Variants in INCENP observed in about 807,000 individuals in gnomAD.
The protein encoded by INCENP is inner centromere protein, also known as binds and activates aurora-B and -C in vivo and in vitro.
In INCENP, 43 loss-of-function variants were observed where a neutral mutation model predicts 107.3. The observed-to-expected ratio is 0.40, with a 90% CI of 0.31 to 0.52. The LOEUF (loss-of-function observed/expected upper bound fraction) is 0.52, where lower values mean the gene tolerates loss of function less well. Among genes scored for constraint, INCENP ranks in the 20% least tolerant of loss-of-function variants. The pLI, the probability that INCENP is intolerant of heterozygous loss-of-function variation, is 0.53. For synonymous variants in INCENP, 488 were observed against 494.4 expected, an observed-to-expected ratio of 0.99 and a Z score of 0.17; for missense variants, 1,089 against 1,250.9, an observed-to-expected ratio of 0.87 and a Z score of 1.95.
At chr11:62,136,911 T>C (rs182326602) in intron 4 of INCENP, among the ~76,000 whole-genome samples, 2 of 152,324 alleles carry the variant, frequency 1.3e-5, no homozygotes, top group East Asian at 3.9e-4. Context: ...TTTAGTATCA[T>C]GATTAGTTAC....
intron 4 of INCENP, among the ~76,000 whole-genome samples, chr11:62,131,904 C>G (rs1943901886): frequency 1.3e-5 from 2 of 152,182 alleles, no homozygotes; most frequent in South Asian, 4.1e-4. Flanking sequence ...GCCTCAGTCT[C>G]CCGAGTAGCA....
chr11:62,141,239 C>G (rs1207708478), intron 10 of INCENP, among the ~76,000 whole-genome samples, 195 bp downstream of exon 10: 3 of 152,208 alleles, frequency 2.0e-5, no homozygotes, highest in Non-Finnish European at 4.4e-5. Flanking sequence ...TGCACTTGAC[C>G]TTGTGGGCTC....
Position 62,152,090 on chromosome 11 carries a change from T to G in INCENP, c.*114T>G, listed in dbSNP as rs1944388874. On this transcript the variant is annotated 3_prime_UTR_variant, in exon 19 of 19. Coordinates refer to ENST00000394818, the MANE Select transcript of INCENP (RefSeq NM_001040694.2). ...TTCTTGGCATGCCATTGTGGAGGGC[T>G]TGGCCAGGTGTATATAAACGTCCTC... 3.0e-6 allele frequency: 2 copies of G among 665,894 alleles called. No individual in the cohort carries two copies. 41.2% of individuals were successfully genotyped at this position (665,894 alleles called of 1,614,324 possible).
chr11:62,135,772 C>T (rs556829837), intron 4 of INCENP, among the ~76,000 whole-genome samples: 16 of 152,174 alleles, frequency 1.1e-4, no homozygotes, highest in South Asian at 8.3e-4. Flanking sequence ...GGTGGATACG[C>T]GCTTTTCAAA....
chr11:62,129,943 C>T lies in INCENP; in HGVS notation c.416C>T (p.Ala139Val). Residue 139 changes from alanine (A) to valine (V), a missense_variant, in exon 4 of 19, where the codon GCT (alanine) becomes GTT (valine). Transcript: ENST00000394818. ...GCTGCCGCGGCTACCATGGCATTGG[C>T]TGCACCTTCTTCACCCACCCCTGAG... ...AAAAAATMAL[A>V]APSSPTPESP... The T allele has an allele frequency of 6.2e-7, 1 of 1,614,070 alleles. No homozygotes were observed. Among genetic ancestry groups the T allele is most frequent in the Non-Finnish European group, 8.5e-7 (1 of 1,180,028 alleles).
Position 62,130,363 on chromosome 11 carries a change from A to C in INCENP, c.836A>C (p.Glu279Ala). ...GCCTTTCCAGATTCTCCATGGCGGG[A>C]GCGGGTGCTGGCTCCCATCCTGCCG... ...SPAFPDSPWR[E>A]RVLAPILPDN... Residue 279 changes from glutamate (E) to alanine (A), a missense_variant, in exon 4 of 19, where the codon GAG (glutamate) becomes GCG (alanine). Glu to Ala is a moderately radical substitution (Grantham distance 107). Coordinates refer to ENST00000394818, the MANE Select transcript of INCENP (RefSeq NM_001040694.2). 3.7e-6 allele frequency: 6 copies of C among 1,612,224 alleles called. No homozygotes were observed. In the Middle Eastern group the frequency reaches 6.6e-4, roughly 177 times the overall value.
intron 15 of INCENP, 77 bp downstream of exon 15, chr11:62,146,979 G>GC (rs1028749220): frequency 3.8e-6 from 6 of 1,563,794 alleles, no homozygotes; most frequent in Non-Finnish European, 5.2e-6. Context: ...CCTGGACACA[G>GC]CCCCACCTGC....
chr11:62,142,722 G>A (rs915806117), intron 11 of INCENP, among the ~76,000 whole-genome samples: 6 of 152,336 alleles, frequency 3.9e-5, no homozygotes, highest in East Asian at 1.9e-4. Context: ...TGTTAGTCCC[G>A]ATTTTGAAGA....
At position 62,146,735 on chromosome 11, in the gene INCENP, C is replaced by T. The variant is rs781369650; in HGVS notation, c.2037C>T (p.Ala679=). 9.1e-6 allele frequency: 14 copies of T among 1,546,490 alleles called. No homozygotes were observed. The East Asian group carries it at 1.5e-4, about 16-fold the overall frequency. ...AGCAGGAGCGGCTGCGGAAGGCGGC[C>T]GAGGCTAAGCGGCTGGCAGAGCAGC... ...EEEQERLRKA[A]EAKRLAEQRE... is the part of the protein sequence containing the mutation. The change falls in exon 15 of 19, where the codon GCC becomes GCT. Residue 679 remains alanine, a synonymous_variant. Coordinates refer to ENST00000394818, the MANE Select transcript of INCENP (RefSeq NM_001040694.2).
rs1487670910 is a variant in INCENP, at chr11:62,129,928, C to A, written c.401C>A (p.Ala134Asp). ...VTRAAAAAAA[A>D]TMALAAPSSP... ...CGTGCTGCGGCTGCAGCTGCCGCGG[C>A]TACCATGGCATTGGCTGCACCTTCT... The change falls in exon 4 of 19, where the codon GCT becomes GAT. Residue 134 changes from alanine (A) to aspartate (D), a missense_variant. Ala to Asp is a moderately radical substitution (Grantham distance 126, BLOSUM62 -2). Transcript: ENST00000394818. 1 of 1,613,896 alleles carries A rather than the reference C, an allele frequency of 6.2e-7. No individual in the cohort carries two copies. The highest frequency in any genetic ancestry group is 8.5e-7 in the Non-Finnish European group (1 of 1,180,054).
At chr11:62,128,071 G>T in intron 1 of INCENP, 80 bp from the exon 2 acceptor site, 7 of 1,448,994 alleles carry the variant, frequency 4.8e-6, no homozygotes, top group Non-Finnish European at 5.7e-6. Context: ...TGTGGGTCAG[G>T]TGGGTATTGC....
At chr11:62,136,255 G>T (rs1435649124) in intron 4 of INCENP, among the ~76,000 whole-genome samples, 1 of 152,224 alleles carries the variant, frequency 6.6e-6, no homozygotes, top group Non-Finnish European at 1.5e-5. Flanking sequence ...TGAAAAAGTG[G>T]CTAGTGCAGC....
At chr11:62,148,235 A>G (rs371688009) in intron 15 of INCENP, among the ~76,000 whole-genome samples, 4 of 152,348 alleles carry the variant, frequency 2.6e-5, no homozygotes, top group East Asian at 3.9e-4. Context: ...GACCCAAGTT[A>G]CAAGGAAAAG....
chr11:62,133,254 C>A (rs1488697228), intron 4 of INCENP, among the ~76,000 whole-genome samples: 3 of 151,996 alleles, frequency 2.0e-5, no homozygotes, highest in African/African-American at 4.8e-5. Flanking sequence ...TTTAATTTCC[C>A]AAAAATTAAA....
In INCENP at chr11:62,151,998, G is replaced by A. The variant is rs777382465; in HGVS notation, c.*22G>A. 6.4e-7 allele frequency: 1 copy of A among 1,569,834 alleles called. No homozygotes were observed. Among genetic ancestry groups the A allele is most frequent in the South Asian group, 1.1e-5 (1 of 89,992 alleles). ...CTGAGGCTGGCCTGCGGCCTTCTTG[G>A]CAGCCTCGCCTCCTGTCCATGTCTA... On this transcript the variant is annotated 3_prime_UTR_variant, in exon 19 of 19. Transcript: ENST00000394818.
At chr11:62,133,185 G>A (rs996013690) in intron 4 of INCENP, among the ~76,000 whole-genome samples, 2 of 152,104 alleles carry the variant, frequency 1.3e-5, no homozygotes, top group East Asian at 1.9e-4. Flanking sequence ...TGTTCCCCAC[G>A]AGCAGCCCTT....
Position 62,151,850 on chromosome 11 carries a change from G to A in INCENP, c.2631G>A (p.Leu877=). 1 of 1,614,178 alleles carries A rather than the reference G, an allele frequency of 6.2e-7. No homozygotes were observed. Among genetic ancestry groups the A allele is most frequent in the Non-Finnish European group, 8.5e-7 (1 of 1,180,030 alleles). ...TTGGAACCATTCTCCCACTGGACTTGGAGGATATCTTCAAGAAGAGCAAGC... is the reference window on the plus strand; with the variant it reads ...TTGGAACCATTCTCCCACTGGACTTAGAGGATATCTTCAAGAAGAGCAAGC... ...ELFGTILPLD[L]EDIFKKSKPR... The change falls in exon 19 of 19, where the codon TTG becomes TTA. Residue 877 remains leucine (L), a synonymous_variant. Transcript: ENST00000394818.
intron 5 of INCENP, 23 bp from the exon 6 acceptor site, chr11:62,138,690 C>G: frequency 6.2e-7 from 1 of 1,613,010 alleles, no homozygotes; most frequent in African/African-American, 1.3e-5. Context: ...GCAGTCCCCT[C>G]AGAGTCCCTC....
chr11:62,145,051 G>A lies in INCENP; in HGVS notation c.1675G>A (p.Val559Met). 2 of 1,613,446 alleles carry A rather than the reference G, an allele frequency of 1.2e-6. No individual in the cohort carries two copies. Among genetic ancestry groups the A allele is most frequent in the Non-Finnish European group, 1.7e-6 (2 of 1,179,764 alleles). The change falls in exon 12 of 19, where the codon GTG becomes ATG. Residue 559 changes from valine to methionine, a missense_variant. Transcript: ENST00000394818. The part of the protein sequence containing the change: ...EEAEQLRRQK[V>M]EEDKRRRLEE... ...GGCCGAGCAGCTGCGCAGGCAGAAGGTGGAGGAGGACAAGCGGCGGCGGCT... is the reference window on the plus strand; with the variant it reads ...GGCCGAGCAGCTGCGCAGGCAGAAGATGGAGGAGGACAAGCGGCGGCGGCT...
Sources: allele counts gnomAD v4.1 joint callset (sites outside exome capture counted in the v4.1 genomes callset), GRCh38; gene constraint gnomAD v4.1.1; transcripts MANE v1.5; gene names NCBI Gene and HGNC (gene_info 2026-07-23, HGNC 2026-07-21).